Variants in STAB2 observed in about 807,000 individuals in gnomAD.
STAB2 encodes stabilin 2.
A neutral mutation model predicts 338.1 loss-of-function variants in STAB2; 288 were observed. That is an observed-to-expected ratio of 0.85 (90% confidence interval 0.77 to 0.94). The LOEUF (loss-of-function observed/expected upper bound fraction) is 0.94, where lower values mean the gene tolerates loss of function less well. Ranked by LOEUF, STAB2 falls within the 40% of genes least tolerant of loss-of-function variation. The pLI is 0.00. For synonymous variants in STAB2, 1,202 were observed against 1,193.3 expected (o/e 1.01, Z -0.15); for missense variants, 3,141 against 3,210.1 (o/e 0.98, Z 0.52).
chr12:103,673,820 G>A lies in STAB2; in HGVS notation c.2372-87G>A, dbSNP rs183415082. 1.4e-5 allele frequency: 20 copies of A among 1,400,734 alleles called. No individual in the cohort carries two copies. The East Asian group carries it at 3.8e-4, about 27-fold the overall frequency. The allele number at this position is 1,400,734 out of a possible 1,614,324, so 86.8% of individuals were successfully genotyped here. ...CAAGAGTGAGTGGGGGGTGAGAAGA[G>A]GTGGTCCCTGTCCTCCAGGGTGCTC... is the stretch of plus-strand genomic sequence containing the variant. On this transcript the variant is annotated intron_variant, in intron 22 of 68. Coordinates refer to ENST00000388887, the MANE Select transcript of STAB2 (RefSeq NM_017564.10).
Position 103,673,958 on chromosome 12 carries a change from C to T in STAB2, c.2423C>T (p.Ala808Val), listed in dbSNP as rs200114039. ...TCNNRIDSDG[A>V]CLTGTCRDGS... ...AATAACAGGATAGACAGCGATGGGG[C>T]CTGCCTCACTGGCACATGCAGAGAC... The change falls in exon 23 of 69, where the codon GCC becomes GTC. Residue 808 changes from alanine (A) to valine (V), a missense_variant. By Grantham distance (64) the Ala-to-Val change is moderately conservative. Coordinates refer to ENST00000388887, the MANE Select transcript of STAB2 (RefSeq NM_017564.10). 1.2e-6 allele frequency: 2 copies of T among 1,614,102 alleles called. No homozygotes were observed. The highest frequency in any genetic ancestry group is 4.5e-5 in the East Asian group (2 of 44,882).
At chr12:103,734,131 A>G (rs1368038953) in intron 51 of STAB2, among the ~76,000 whole-genome samples, 1 of 145,936 alleles carries the variant, frequency 6.9e-6, no homozygotes, top group Non-Finnish European at 1.5e-5. Context: ...TATAGGAGTA[A>G]GCATGATCAT....
rs367579514 is a variant in STAB2 at position 103,650,540 on chromosome 12, G to A, written c.1219G>A (p.Val407Met). The change falls in exon 11 of 69, where the codon GTG (valine) becomes ATG (methionine). Residue 407 changes from valine (V) to methionine (M), a missense_variant. By Grantham distance (21) the Val-to-Met change is conservative. Coordinates refer to ENST00000388887, the MANE Select transcript of STAB2 (RefSeq NM_017564.10). Reference protein sequence around the residue: ...WPLSKLGPFTVLLPTDKGLKG... With the variant: ...WPLSKLGPFTMLLPTDKGLKG... ...ACTGAGTAAGCTGGGACCCTTCACG[G>A]TGCTGTTACCTACAGACAAGGGACT... 14 of 1,613,180 alleles carry A rather than the reference G, an allele frequency of 8.7e-6. No homozygotes were observed. The African/African-American group carries it at 1.6e-4, about 18-fold the overall frequency.
At chr12:103,660,897 A>C in intron 17 of STAB2, 134 bp downstream of exon 17, 1 of 980,848 alleles carries the variant, frequency 1.0e-6, no homozygotes, top group Non-Finnish European at 1.6e-6. Context: ...TCATTTGCTC[A>C]CTTCTCTCAG....
chr12:103,630,250 G>A (rs1164682911), intron 5 of STAB2, among the ~76,000 whole-genome samples: 7 of 152,192 alleles, frequency 4.6e-5, no homozygotes, highest in Non-Finnish European at 1.0e-4. Context: ...GAGATGAAGA[G>A]CAGAAGATCA....
At chr12:103,690,096 T>C in intron 29 of STAB2, 114 bp downstream of exon 29, 2 of 1,423,082 alleles carry the variant, frequency 1.4e-6, no homozygotes, top group South Asian at 2.8e-5. Flanking sequence ...GAGCTGAACA[T>C]GTTCTAGGAT....
intron 22 of STAB2, among the ~76,000 whole-genome samples, chr12:103,673,601 A>G (rs569160958): frequency 2.7e-3 from 410 of 152,278 alleles, no homozygotes; most frequent in Non-Finnish European, 4.5e-3. Context: ...CTCCCACGTC[A>G]GCTTCCCGGT....
In STAB2 at chr12:103,654,582, G is replaced by A. The variant is rs1874029692; in HGVS notation, c.1435G>A (p.Gly479Arg). The A allele has an allele frequency of 1.2e-6, 2 of 1,614,038 alleles. No homozygotes were observed. The highest frequency in any genetic ancestry group is 1.1e-5 in the South Asian group (1 of 91,064). The change falls in exon 13 of 69, where the codon GGA (glycine) becomes AGA (arginine). Residue 479 changes from glycine to arginine, a missense_variant. Coordinates refer to ENST00000388887, the MANE Select transcript of STAB2 (RefSeq NM_017564.10). ...CAATCAAATAAAGCTTAAACTCCAT[G>A]GAGGCAAAAAGAAGGTAAAAATTAT... is the stretch of plus-strand genomic sequence containing the variant. ...KDNQIKLKLHGGKKKVKIIQG... is the reference protein window; with the variant it reads ...KDNQIKLKLHRGKKKVKIIQG...
intron 41 of STAB2, 100 bp from the exon 42 acceptor site, chr12:103,713,543 T>C: frequency 2.0e-6 from 3 of 1,530,892 alleles, no homozygotes; most frequent in Non-Finnish European, 2.7e-6. Flanking sequence ...CCTGCTCAAG[T>C]AGTTTTGCAG....
chr12:103,732,342 A>G (rs1881700285), intron 50 of STAB2, among the ~76,000 whole-genome samples: 1 of 152,010 alleles, frequency 6.6e-6, no homozygotes, highest in Admixed American at 6.6e-5. Context: ...CTGACTCCAG[A>G]GATTGTTCCC....
In STAB2 at chr12:103,708,489, G is replaced by A; in HGVS notation, c.4241G>A (p.Gly1414Asp). ...TGCAACCAAGGACCCTTGGGAGATG[G>A]CTCCTGTGACTGTGATGTTGGCTGG... ...GRCNQGPLGDGSCDCDVGWRG... is the reference protein window; with the variant it reads ...GRCNQGPLGDDSCDCDVGWRG... Residue 1414 changes from glycine to aspartate, a missense_variant, in exon 39 of 69, where the codon GGC (glycine) becomes GAC (aspartate). Physicochemically the swap from Gly to Asp is moderately conservative, Grantham distance 94. Transcript: ENST00000388887. 6.2e-7 allele frequency: 1 copy of A among 1,614,118 alleles called. No individual in the cohort carries two copies. Among genetic ancestry groups the A allele is most frequent in the Non-Finnish European group, 8.5e-7 (1 of 1,179,966 alleles).
intron 49 of STAB2, among the ~76,000 whole-genome samples, chr12:103,730,806 C>A (rs568592512): frequency 6.6e-6 from 1 of 152,058 alleles, no homozygotes; most frequent in Non-Finnish European, 1.5e-5. Flanking sequence ...CCCAGCAATC[C>A]GGGAGGCCAA....
intron 42 of STAB2, 148 bp from the exon 43 acceptor site, chr12:103,715,666 AT>A (rs1176378629): frequency 1.2e-6 from 1 of 822,264 alleles, no homozygotes; most frequent in Non-Finnish European, 2.0e-6. Context: ...TAGTTCAGTT[AT>A]TTCTGTCTCA....
At position 103,733,178 on chromosome 12, in the gene STAB2, C is replaced by A. The variant is rs1023650990; in HGVS notation, c.5456C>A (p.Ala1819Asp). The A allele has an allele frequency of 1.2e-6, 2 of 1,613,732 alleles. No individual in the cohort carries two copies. The highest frequency in any genetic ancestry group is 1.7e-6 in the Non-Finnish European group (2 of 1,179,874). The change falls in exon 51 of 69, where the codon GCC becomes GAC. Residue 1819 changes from alanine (A) to aspartate (D), a missense_variant. By Grantham distance (126) the Ala-to-Asp change is moderately radical (BLOSUM62 -2). Coordinates refer to ENST00000388887, the MANE Select transcript of STAB2 (RefSeq NM_017564.10). ...TTGAAGTTTCATGTGATACGAGATG[C>A]CAAGGTATTTAGTTTACATGCAGAC... ...EYLKFHVIRD[A>D]KVLAVDLPTS...
chr12:103,699,219 A>G lies in STAB2; in HGVS notation c.3706A>G (p.Asn1236Asp). 1.9e-6 allele frequency: 3 copies of G among 1,612,168 alleles called. No homozygotes were observed. Among genetic ancestry groups the G allele is most frequent in the Non-Finnish European group, 2.5e-6 (3 of 1,178,564 alleles). The change falls in exon 34 of 69, where the codon AAT (asparagine) becomes GAT (aspartate). Residue 1236 changes from asparagine to aspartate, a missense_variant. By Grantham distance (23) the Asn-to-Asp change is conservative. Transcript: ENST00000388887. ...CTATTTCCTTAGCTTCTTTCTCCAT[A>G]ATGACCAGGTACGATCCTTTTATGT... ...FSYFLSFFLH[N>D]DQLYVNEAPI...
In STAB2 at chr12:103,766,405, CA is replaced by C; in HGVS notation, c.*70del. 6.5e-7 allele frequency: 1 copy of C among 1,537,936 alleles called. No homozygotes were observed. Among genetic ancestry groups the C allele is most frequent in the Non-Finnish European group, 8.8e-7 (1 of 1,137,786 alleles). ...GCCATCAACTGTGAATTCTCAGCAC[CA>C]GTTGCCTTTTAGGAACGTAAAGTCC... On this transcript the variant is annotated 3_prime_UTR_variant, in exon 69 of 69. Transcript: ENST00000388887.
chr12:103,604,084 G>A (rs767328259), intron 3 of STAB2, among the ~76,000 whole-genome samples: 15 of 152,108 alleles, frequency 9.9e-5, no homozygotes, highest in Non-Finnish European at 1.6e-4. Flanking sequence ...TTACTAAATT[G>A]ATGTGTTCTA....
At chr12:103,660,224 T>G (rs781403802) in intron 15 of STAB2, 107 bp from the exon 16 acceptor site, 2 of 1,184,470 alleles carry the variant, frequency 1.7e-6, no homozygotes, top group Admixed American at 1.7e-5. Flanking sequence ...CCCAATAGAT[T>G]ATGGGTCATT....
At chr12:103,750,464 G>A (rs919125230) in intron 59 of STAB2, 115 bp from the exon 60 acceptor site, 9 of 1,356,198 alleles carry the variant, frequency 6.6e-6, no homozygotes, top group South Asian at 2.7e-5. Flanking sequence ...GGAAAGGCAC[G>A]TTCTCTTGGT....
Sources: gnomAD v4.1 joint callset for allele counts (sites outside exome capture counted in the v4.1 genomes callset) on GRCh38, gnomAD v4.1.1 for gene constraint, MANE v1.5 for transcripts, NCBI Gene and HGNC (gene_info 2026-07-23, HGNC 2026-07-21) for gene names.